The following MED13 variants were observed in gnomAD, a reference collection of about 807,000 sequenced individuals.
MED13 encodes the protein mediator complex subunit 13.
Under a neutral mutation model 225.2 loss-of-function variants are expected in MED13, and 23 were observed. The ratio of observed to expected loss-of-function variants is 0.10; its 90% confidence interval spans 0.07 to 0.14. MED13 has a LOEUF of 0.14. Ranked by LOEUF, MED13 falls within the 10% of genes least tolerant of loss-of-function variation. The pLI, the probability that MED13 is intolerant of heterozygous loss-of-function variation, is 1.00. For synonymous variants in MED13, 942 were observed against 889.2 expected (o/e 1.06, Z -1.06); for missense variants, 2,197 against 2,594.5 (o/e 0.85, Z 3.33).
intron 9 of MED13, among the ~76,000 whole-genome samples, chr17:62,010,154 G>A (rs868155639): frequency 6.6e-6 from 1 of 151,368 alleles, no homozygotes; most frequent in South Asian, 2.1e-4. Context: ...CCCAGAGGCG[G>A]AAATTTCAGT....
In MED13 at chr17:62,065,218, C is replaced by T; in HGVS notation, c.-13G>A. The T allele has an allele frequency of 1.3e-6, 2 of 1,554,864 alleles. No individual in the cohort carries two copies. The highest frequency in any genetic ancestry group is 1.7e-6 in the Non-Finnish European group (2 of 1,151,058). ...AGGAGGCACTCATCGTCCCTCACAG[C>T]AGCCGCCGCCGGCGCCACAACCCAC... is the stretch of plus-strand genomic sequence containing the variant. On this transcript the variant is annotated 5_prime_UTR_variant, in exon 1 of 30. Transcript: ENST00000397786.
At chr17:61,992,695 CTG>C (rs1405750048) in intron 10 of MED13, 74 bp from the exon 11 acceptor site, 1 of 1,044,480 alleles carries the variant, frequency 9.6e-7, no homozygotes, top group African/African-American at 1.6e-5. Context: ...TATTGAGGAG[CTG>C]TGTGTCAGGC....
At chr17:61,993,117 A>T (rs895474430) in intron 10 of MED13, among the ~76,000 whole-genome samples, 12 of 152,008 alleles carry the variant, frequency 7.9e-5, no homozygotes, top group African/African-American at 2.2e-4. Flanking sequence ...TGCCCCAGAA[A>T]ATATGGCTGA....
chr17:61,985,682 A>C (rs2080241502), intron 12 of MED13, among the ~76,000 whole-genome samples: 1 of 152,278 alleles, frequency 6.6e-6, no homozygotes, highest in East Asian at 1.9e-4. Flanking sequence ...AAAATAAATA[A>C]AAATAAGAAA....
intron 16 of MED13, among the ~76,000 whole-genome samples, chr17:61,975,595 T>C (rs1463408924): frequency 6.6e-6 from 1 of 152,200 alleles, no homozygotes; most frequent in Non-Finnish European, 1.5e-5. Flanking sequence ...GGTGCATGCT[T>C]GTAATCCCAG....
intron 19 of MED13, 53 bp downstream of exon 19, chr17:61,966,409 G>A (rs893937389): frequency 3.7e-6 from 5 of 1,366,968 alleles, no homozygotes; most frequent in Admixed American, 2.3e-5. Flanking sequence ...AGCTGGTGGA[G>A]CAGGCCACAT....
At chr17:62,038,327 G>A (rs1170673570) in intron 3 of MED13, among the ~76,000 whole-genome samples, 1 of 152,080 alleles carries the variant, frequency 6.6e-6, no homozygotes, top group East Asian at 1.9e-4. Flanking sequence ...ATCTGAGCCT[G>A]AGAGGTTGAG....
At chr17:62,011,469 T>C (rs2080508507) in intron 8 of MED13, among the ~76,000 whole-genome samples, 1 of 152,228 alleles carries the variant, frequency 6.6e-6, no homozygotes, top group Non-Finnish European at 1.5e-5. Context: ...TTAATAGCCA[T>C]GTGATCAGAC....
In MED13 at chr17:61,982,664, A is replaced by T; in HGVS notation, c.3339T>A (p.Asp1113Glu). 2 of 1,614,160 alleles carry T rather than the reference A, an allele frequency of 1.2e-6. No individual in the cohort carries two copies. The highest frequency in any genetic ancestry group is 1.7e-6 in the Non-Finnish European group (2 of 1,180,044). ...KGADVGVYIPDPTQEAQYRCT... is the reference protein window; with the variant it reads ...KGADVGVYIPEPTQEAQYRCT... Reference sequence around the variant, plus strand: ...ACCTATATTGTGCTTCCTGCGTTGGATCTGGAATGTAAACTCCAACATCGG... The same window carrying T: ...ACCTATATTGTGCTTCCTGCGTTGGTTCTGGAATGTAAACTCCAACATCGG... The change falls in exon 16 of 30, where the codon GAT becomes GAA. Residue 1113 changes from aspartate to glutamate, a missense_variant. Around this residue, in one of 12 missense-constraint regions of MED13, gnomAD observed 99 missense variants for 158.5 expected, o/e 0.62. Transcript: ENST00000397786.
intron 8 of MED13, among the ~76,000 whole-genome samples, chr17:62,015,960 T>A (rs1444804952): frequency 0.058 from 526 of 9,084 alleles, 6 homozygotes; most frequent in East Asian, 0.11. Context: ...ATATATTTTT[T>A]TTTTTTTTTT....
chr17:62,013,266 TAAG>T (rs1400865702), intron 8 of MED13, among the ~76,000 whole-genome samples: 2 of 152,108 alleles, frequency 1.3e-5, no homozygotes, highest in Admixed American at 1.3e-4. Context: ...CATTATCTCT[TAAG>T]AACACAGATG....
chr17:62,010,971 C>T lies in MED13; in HGVS notation c.1546G>A (p.Val516Ile), dbSNP rs1207334742. Residue 516 changes from valine (V) to isoleucine (I), a missense_variant, in exon 9 of 30, where the codon GTA becomes ATA. This residue lies in a region of MED13 where 884 missense variants were observed against 918.5 expected (regional missense o/e 0.96). Transcript: ENST00000397786. ...VRFSNIRTND[V>I]AKTPQMHGTE... ...CCATGCATCTGAGGAGTCTTTGCTA[C>T]ATCATTAGTTCGGATATTTGAAAAT... The T allele has an allele frequency of 6.2e-7, 1 of 1,613,382 alleles. No homozygotes were observed. The highest frequency in any genetic ancestry group is 1.7e-5 in the Admixed American group (1 of 60,016).
chr17:62,008,268 G>C (rs978864752), intron 9 of MED13, among the ~76,000 whole-genome samples: 1 of 134,564 alleles, frequency 7.4e-6, no homozygotes, highest in Non-Finnish European at 1.5e-5. Context: ...CAGTGAGCAG[G>C]GATCGCGCAA....
rs762341382 is a variant in MED13, at chr17:61,950,812, G to C, written c.6291+13C>G. ...TCAGAATTATTTAGGAACTGGGACA[G>C]AAATGGCAATACCTTAAGAAAAAGG... On this transcript the variant is annotated intron_variant, in intron 28 of 29. Transcript: ENST00000397786. 2 of 1,601,434 alleles carry C rather than the reference G, an allele frequency of 1.2e-6. No individual in the cohort carries two copies. The highest frequency in any genetic ancestry group is 1.7e-6 in the Non-Finnish European group (2 of 1,173,590).
At chr17:61,991,778 G>A (rs1293275657) in intron 11 of MED13, among the ~76,000 whole-genome samples, 2 of 152,148 alleles carry the variant, frequency 1.3e-5, no homozygotes, top group Admixed American at 1.3e-4. Context: ...AAAGTGCTGA[G>A]ATTACAGGTG....
At chr17:62,055,327 T>C (rs924280501) in intron 2 of MED13, among the ~76,000 whole-genome samples, 1 of 151,378 alleles carries the variant, frequency 6.6e-6, no homozygotes, top group African/African-American at 2.4e-5. Flanking sequence ...GAGATGGGAG[T>C]TGCAGTGAGC....
chr17:61,987,756 T>G (rs575345682), intron 11 of MED13, among the ~76,000 whole-genome samples: 1 of 152,276 alleles, frequency 6.6e-6, no homozygotes, highest in East Asian at 1.9e-4. Flanking sequence ...GTAATTTTTT[T>G]TTCTTTTTTT....
chr17:61,957,059 GT>G (rs1567941226), intron 23 of MED13, among the ~76,000 whole-genome samples: 1 of 151,776 alleles, frequency 6.6e-6, no homozygotes, highest in Middle Eastern at 3.4e-3. Flanking sequence ...GGGATTTTTT[GT>G]TTTTTTGATG....
intron 9 of MED13, chr17:62,004,751 C>T (rs2080429044): frequency 6.6e-6 from 1 of 152,184 alleles, no homozygotes; most frequent in African/African-American, 2.4e-5. Context: ...AATGATTACC[C>T]TCACTGCTGT....
Sources: allele counts gnomAD v4.1 joint callset (sites outside exome capture counted in the v4.1 genomes callset), GRCh38; gene constraint gnomAD v4.1.1; regional missense constraint gnomAD v4.1.1; transcripts MANE v1.5; gene names NCBI Gene and HGNC (gene_info 2026-07-23, HGNC 2026-07-21).